Variants in DYSF observed in about 807,000 individuals in gnomAD.
DYSF encodes the protein dystrophy-associated fer-1-like 1.
In DYSF, 212 loss-of-function variants were observed where a neutral mutation model predicts 274.9. The observed-to-expected ratio is 0.77, with a 90% CI of 0.69 to 0.86. The LOEUF (loss-of-function observed/expected upper bound fraction) is 0.86. Among genes scored for constraint, DYSF ranks in the 40% least tolerant of loss-of-function variants. The pLI, the probability that DYSF is intolerant of heterozygous loss-of-function variation, is 0.00. For missense variants in DYSF, 2,666 were observed against 2,783.2 expected (o/e 0.96, Z 0.95); for synonymous variants, 1,091 against 1,078.7 (o/e 1.01, Z -0.22).
intron 3 of DYSF, among the ~76,000 whole-genome samples, chr2:71,496,777 C>G (rs186427117): frequency 1.3e-5 from 2 of 151,892 alleles, no homozygotes; most frequent in African/African-American, 2.4e-5. Context: ...CTCCAGATGT[C>G]GAAGCATCAG....
intron 40 of DYSF, among the ~76,000 whole-genome samples, chr2:71,617,886 GTGGTAGAGGTGTGTT>G (rs1558636123): frequency 7.4e-4 from 93 of 126,440 alleles, no homozygotes; most frequent in East Asian, 1.4e-3. Flanking sequence ...TGGGGTGTGT[GTGGTAGAGGTGTGTT>G]TGTGGTAGAG....
upstream of DYSF, chr2:71,466,658 G>A (rs2081553073): frequency 7.6e-7 from 1 of 1,320,764 alleles, no homozygotes; most frequent in Non-Finnish European, 9.7e-7. Flanking sequence ...CGCCCAGCGG[G>A]TGTCCGGTGT....
rs543918152 is a variant in DYSF at position 71,511,423 on chromosome 2, G to A, written c.346-384G>A. Among the ~76,000 whole-genome samples the A allele has an allele frequency of 2.1e-3, 313 of 152,356 alleles. 1 individual carries two copies. The highest frequency in any genetic ancestry group is 7.3e-3 in the African/African-American group (304 of 41,586). On this transcript the variant is annotated intron_variant, in intron 4 of 55. Coordinates refer to ENST00000410020, the MANE Select transcript of DYSF (RefSeq NM_001130987.2). ...GGATAGTGGGAAAAATCCTGCAGGT[G>A]AGGTTGGATCCCTGATTCATTTGCA...
chr2:71,683,054 A>T (rs2095315313), intron 55 of DYSF, among the ~76,000 whole-genome samples: 1 of 152,098 alleles, frequency 6.6e-6, no homozygotes. Flanking sequence ...GGAAGGTGAG[A>T]TGTTGATGGC....
At chr2:71,581,347 G>A (rs1432097158) in intron 30 of DYSF, among the ~76,000 whole-genome samples, 1 of 152,236 alleles carries the variant, frequency 6.6e-6, no homozygotes, top group African/African-American at 2.4e-5. Flanking sequence ...GGCTCCAGCT[G>A]TAAATTAAAT....
chr2:71,574,343 C>T lies in DYSF; in HGVS notation c.3374C>T (p.Ala1125Val). The change falls in exon 30 of 56, where the codon GCA becomes GTA. Residue 1125 changes from alanine to valine, a missense_variant. By Grantham distance (64) the Ala-to-Val change is moderately conservative (BLOSUM62 0). Transcript: ENST00000410020. ...GAGCCACTGGAGAAGACGGGGCCTG[C>T]AGCTGTGTTTGCCCTTGAGGGGGCC... ...RMEPLEKTGPAAVFALEGALG... is the reference protein window; with the variant it reads ...RMEPLEKTGPVAVFALEGALG... The T allele has an allele frequency of 6.2e-7, 1 of 1,614,018 alleles. No homozygotes were observed. The highest frequency in any genetic ancestry group is 8.5e-7 in the Non-Finnish European group (1 of 1,179,920).
chr2:71,668,703 A>C, intron 48 of DYSF, 51 bp from the exon 49 acceptor site: 46 of 1,521,848 alleles, frequency 3.0e-5, no homozygotes, highest in Non-Finnish European at 3.9e-5. Context: ...GTGCTTGGTA[A>C]CAGCTGGTTA....
intron 22 of DYSF, among the ~76,000 whole-genome samples, chr2:71,557,462 C>G (rs1288055481): frequency 6.6e-6 from 1 of 152,214 alleles, no homozygotes; most frequent in Non-Finnish European, 1.5e-5. Flanking sequence ...CTAAGGAGAG[C>G]TCAGCCCTGG....
chr2:71,549,035 T>C (rs559745943), intron 17 of DYSF, among the ~76,000 whole-genome samples: 48 of 152,306 alleles, frequency 3.2e-4, no homozygotes, highest in African/African-American at 1.1e-3. Flanking sequence ...GAATTATTCC[T>C]TGAGTGTATT....
At chr2:71,544,459 CT>C (rs10656285) in intron 17 of DYSF, among the ~76,000 whole-genome samples, 16,550 of 128,850 alleles carry the variant, frequency 0.13, 1,046 homozygotes, top group African/African-American at 0.19. Context: ...TAAAAATGTT[CT>C]TTTTTTTTTT....
chr2:71,653,030 A>G (rs184229698), intron 42 of DYSF, among the ~76,000 whole-genome samples: 2 of 152,374 alleles, frequency 1.3e-5, no homozygotes, highest in Admixed American at 6.5e-5. Context: ...AGAGGCAGAC[A>G]CTATAAAGAA....
chr2:71,629,392 C>T lies in DYSF; in HGVS notation c.4527+8783C>T, dbSNP rs1037753982. 3.9e-5 allele frequency among the ~76,000 whole-genome samples: 6 copies of T among 152,146 alleles called. 1 individual carries two copies. Among genetic ancestry groups the T allele is most frequent in the Admixed American group, 3.9e-4 (6 of 15,268 alleles). On this transcript the variant is annotated intron_variant, in intron 41 of 55. Coordinates refer to ENST00000410020, the MANE Select transcript of DYSF (RefSeq NM_001130987.2). ...ACAGTTTTTCCTTAAAGCCCTATTT[C>T]TGACTACTCTGACTTCTGTTGTCTG... is the stretch of plus-strand genomic sequence containing the variant.
chr2:71,462,457 A>ATC (rs144368146), upstream of DYSF, among the ~76,000 whole-genome samples: 4,052 of 152,264 alleles, frequency 0.027, 157 homozygotes, highest in African/African-American at 0.09. Context: ...CTGAAGCTTT[A>ATC]TCTCGTTCTC....
Position 71,480,948 on chromosome 2 carries a change from T to A in DYSF, c.147+10T>A. ...CCCTGTATGGAATGAGGTATGTGAGTTTTTCTCCTTCCTTTTCTCTCTGTC... is the reference window on the plus strand; with the variant it reads ...CCCTGTATGGAATGAGGTATGTGAGATTTTCTCCTTCCTTTTCTCTCTGTC... On this transcript the variant is annotated intron_variant, in intron 2 of 55. Transcript: ENST00000410020. 1 of 1,613,336 alleles carries A rather than the reference T, an allele frequency of 6.2e-7. No individual in the cohort carries two copies. The highest frequency in any genetic ancestry group is 8.5e-7 in the Non-Finnish European group (1 of 1,179,458).
At position 71,495,173 on chromosome 2, in the gene DYSF, G is replaced by A. The variant is rs1161844639; in HGVS notation, c.240-8041G>A. ...CTCCAAGCTCCAACAATGCAGGGTG[G>A]GTTGTCCATTTTATTCTCATCAGTA... On this transcript the variant is annotated intron_variant, in intron 3 of 55. Transcript: ENST00000410020. 2.0e-5 allele frequency among the ~76,000 whole-genome samples: 3 copies of A among 152,172 alleles called. No homozygotes were observed. In the East Asian group the frequency reaches 5.8e-4, roughly 29 times the overall value.
chr2:71,553,811 C>G lies in DYSF; in HGVS notation c.1989C>G (p.Cys663Trp), dbSNP rs775843091. The G allele has an allele frequency of 1.5e-6, 2 of 1,356,172 alleles. No homozygotes were observed. Among genetic ancestry groups the G allele is most frequent in the Non-Finnish European group, 2.0e-6 (2 of 1,018,990 alleles). The allele number at this position is 1,356,172 out of a possible 1,614,324, so 84.0% of individuals were successfully genotyped here. The change falls in exon 21 of 56, where the codon TGC (cysteine) becomes TGG (tryptophan). Residue 663 changes from cysteine to tryptophan, a missense_variant. By Grantham distance (215) the Cys-to-Trp change is radical (BLOSUM62 -2). This residue lies in a region of DYSF where 412 missense variants were observed against 504.0 expected (regional missense o/e 0.82). Transcript: ENST00000410020. Reference sequence around the variant, plus strand: ...AGGCCCGTCTCTCCATTCCAGGGTGCCACTACTACTACCTACCCTGGGGTA... The same window carrying G: ...AGGCCCGTCTCTCCATTCCAGGGTGGCACTACTACTACCTACCCTGGGGTA... Reference protein sequence around the residue: ...TQYSRAVFDGCHYYYLPWGNV... With the variant: ...TQYSRAVFDGWHYYYLPWGNV...
chr2:71,513,356 C>T (rs1337473423), intron 6 of DYSF, 24 bp downstream of exon 6: 4 of 1,547,280 alleles, frequency 2.6e-6, no homozygotes, highest in Non-Finnish European at 3.5e-6. Flanking sequence ...CAGGACTGTC[C>T]TGATCCCAGA....
chr2:71,565,168 C>T (rs1427884887), intron 24 of DYSF, among the ~76,000 whole-genome samples: 2 of 151,916 alleles, frequency 1.3e-5, no homozygotes, highest in Admixed American at 6.6e-5. Flanking sequence ...GCAGCCTCCG[C>T]CTCACAAGTT....
rs2152803988 is a variant in DYSF at position 71,561,909 on chromosome 2, G to A, written c.2374G>A (p.Asp792Asn). The A allele has an allele frequency of 6.8e-6, 11 of 1,614,168 alleles. No homozygotes were observed. The highest frequency in any genetic ancestry group is 9.3e-6 in the Non-Finnish European group (11 of 1,180,022). The change falls in exon 23 of 56, where the codon GAC (aspartate) becomes AAC (asparagine). Residue 792 changes from aspartate to asparagine, a missense_variant. Asp to Asn is a conservative substitution (Grantham distance 23, BLOSUM62 1). Coordinates refer to ENST00000410020, the MANE Select transcript of DYSF (RefSeq NM_001130987.2). ...ELPAALEQAEDWLLRLRALAE... is the reference protein window; with the variant it reads ...ELPAALEQAENWLLRLRALAE... Reference sequence around the variant, plus strand: ...CCCTGCAGCTCTGGAGCAGGCGGAGGACTGGCTCCTGCGTCTGCGTGCCCT... The same window carrying A: ...CCCTGCAGCTCTGGAGCAGGCGGAGAACTGGCTCCTGCGTCTGCGTGCCCT...
Sources: gnomAD v4.1 joint callset for allele counts (sites outside exome capture counted in the v4.1 genomes callset) on GRCh38, gnomAD v4.1.1 for gene constraint, gnomAD v4.1.1 regional missense constraint, MANE v1.5 for transcripts, NCBI Gene and HGNC (gene_info 2026-07-23, HGNC 2026-07-21) for gene names.